The following CYP2B6 variants were observed in gnomAD, a reference collection of about 807,000 sequenced individuals.
CYP2B6 encodes the protein cytochrome P450 2B6.
Under a neutral mutation model 43.4 loss-of-function variants are expected in CYP2B6, and 35 were observed. That is an observed-to-expected ratio of 0.81 (90% confidence interval 0.62 to 1.07). CYP2B6 has a LOEUF of 1.07. CYP2B6 is among the 50% of genes least tolerant of loss of function. The pLI, the probability that CYP2B6 is intolerant of heterozygous loss-of-function variation, is 0.00. For synonymous variants in CYP2B6, 239 were observed against 239.2 expected (o/e 1.00, Z 0.01); for missense variants, 624 against 632.8 (o/e 0.99, Z 0.15).
At chr19:40,991,699 G>A (rs1968922606) in intron 1 of CYP2B6, among the ~76,000 whole-genome samples, 1 of 152,042 alleles carries the variant, frequency 6.6e-6, no homozygotes. Flanking sequence ...CTCATGAGTT[G>A]GACAGCTCCC....
At chr19:41,013,118 T>A (rs1969310330) in intron 8 of CYP2B6, 1 of 378,750 alleles carries the variant, frequency 2.6e-6, no homozygotes, top group Non-Finnish European at 4.9e-6. Context: ...CCCAGTGCTG[T>A]ACTGGGGGCT....
chr19:41,009,269 G>A lies in CYP2B6; in HGVS notation c.696G>A (p.Arg232=). 1 of 1,612,966 alleles carries A rather than the reference G, an allele frequency of 6.2e-7. No individual in the cohort carries two copies. Among genetic ancestry groups the A allele is most frequent in the East Asian group, 2.2e-5 (1 of 44,870 alleles). ...GFLKYFPGAH[R]QVYKNLQEIN... is the part of the protein sequence containing the mutation. ...TGAAATACTTTCCTGGGGCACACAG[G>A]CAAGTTTACAAAAACCTGCAGGAAA... Residue 232 remains arginine (R), a synonymous_variant, in exon 5 of 9, where the codon AGG becomes AGA. Coordinates refer to ENST00000324071, the MANE Select transcript of CYP2B6 (RefSeq NM_000767.5).
rs761375196 is a variant in CYP2B6, at chr19:41,004,288, G to A, written c.335-9G>A. 7.4e-6 allele frequency: 12 copies of A among 1,613,728 alleles called. No individual in the cohort carries two copies. The Admixed American group carries it at 2.0e-4, about 27-fold the overall frequency. On this transcript the variant is annotated splice_polypyrimidine_tract_variant and intron_variant, in intron 2 of 8. Coordinates refer to ENST00000324071, the MANE Select transcript of CYP2B6 (RefSeq NM_000767.5). ...TCTACAACCAACCCACACCTCCCCT[G>A]CACCCCAGGTGTGATCTTTGCCAAT... is the stretch of plus-strand genomic sequence containing the variant.
At chr19:41,013,066 C>G in intron 8 of CYP2B6, 1 of 510,690 alleles carries the variant, frequency 2.0e-6, no homozygotes, top group Non-Finnish European at 3.5e-6. Flanking sequence ...TCAGTGAGTT[C>G]ATTTTCTTAA....
chr19:40,994,853 A>G (rs1968978364), intron 1 of CYP2B6, among the ~76,000 whole-genome samples: 1 of 152,152 alleles, frequency 6.6e-6, no homozygotes, highest in Non-Finnish European at 1.5e-5. Context: ...ACTACTAAAT[A>G]TTTCCAGTGA....
chr19:40,997,521 G>T (rs913069944), intron 1 of CYP2B6, among the ~76,000 whole-genome samples: 36 of 151,938 alleles, frequency 2.4e-4, no homozygotes, highest in Non-Finnish European at 4.9e-4. Flanking sequence ...GAGTATATAT[G>T]CCAATACTAC....
rs1401973929 is a variant in CYP2B6 at position 41,010,236 on chromosome 19, T to C, written c.964+101T>C. 7.6e-6 allele frequency: 11 copies of C among 1,442,828 alleles called. No individual in the cohort carries two copies. In the East Asian group the frequency reaches 1.8e-4, roughly 24 times the overall value. The allele number at this position is 1,442,828 out of a possible 1,614,324, so 89.4% of individuals were successfully genotyped here. ...CTGGATGAGAGAGGGGATGCTGGCT[T>C]CCTATTCTGGGAGCACTGTAGGCTC... On this transcript the variant is annotated intron_variant, in intron 6 of 8. Transcript: ENST00000324071.
intron 1 of CYP2B6, among the ~76,000 whole-genome samples, chr19:41,001,744 T>G (rs1230028356): frequency 6.6e-6 from 1 of 152,148 alleles, no homozygotes; most frequent in Admixed American, 6.5e-5. Flanking sequence ...GTCTAGGAAT[T>G]GATGATGTGG....
chr19:41,007,372 G>A (rs1420904806), intron 4 of CYP2B6: 2 of 405,032 alleles, frequency 4.9e-6, no homozygotes, highest in East Asian at 4.9e-5. Flanking sequence ...GAGAGACAGA[G>A]TTGATGAGAA....
intron 4 of CYP2B6, among the ~76,000 whole-genome samples, chr19:41,008,101 C>A (rs1969223759): frequency 6.6e-6 from 1 of 151,690 alleles, no homozygotes; most frequent in Non-Finnish European, 1.5e-5. Context: ...GTCTTCTGCT[C>A]TTTTAAAACA....
intron 1 of CYP2B6, among the ~76,000 whole-genome samples, chr19:41,001,499 G>A (rs980431243): frequency 9.2e-5 from 14 of 152,070 alleles, no homozygotes; most frequent in African/African-American, 3.4e-4. Flanking sequence ...GAGGGATGTG[G>A]GCTCGTGTCT....
rs186436005 is a variant in CYP2B6, at chr19:41,017,059, T to C, written c.*232T>C. The C allele has an allele frequency of 3.9e-5, 14 of 360,900 alleles. No individual in the cohort carries two copies. The highest frequency in any genetic ancestry group is 1.6e-4 in the Admixed American group (4 of 24,410). 22.4% of individuals were successfully genotyped at this position (360,900 alleles called of 1,614,324 possible). A position where few individuals can be genotyped will look rare whatever the true frequency, so the allele number is the denominator to read the frequency against. ...ATATATATATATATGTTCTTGTTTT[T>C]TGAGACAGAGTCTCACACTGTTGCC... On this transcript the variant is annotated 3_prime_UTR_variant, in exon 9 of 9. Transcript: ENST00000324071.
chr19:41,012,946 A>T, intron 8 of CYP2B6, 131 bp downstream of exon 8: 2 of 1,075,054 alleles, frequency 1.9e-6, no homozygotes, highest in South Asian at 2.5e-5. Flanking sequence ...GCCTTATCCC[A>T]TTCCATCTTC....
At chr19:41,002,436 G>A (rs1055308064) in intron 1 of CYP2B6, among the ~76,000 whole-genome samples, 2 of 152,064 alleles carry the variant, frequency 1.3e-5, no homozygotes, top group African/African-American at 4.8e-5. Flanking sequence ...TTGACATGCA[G>A]GCCAAGTAGC....
At position 41,012,383 on chromosome 19, in the gene CYP2B6, G is replaced by T. The variant is rs377135658; in HGVS notation, c.1050G>T (p.Glu350Asp). The change falls in exon 7 of 9, where the codon GAG (glutamate) becomes GAT (aspartate). Residue 350 changes from glutamate (E) to aspartate (D), a missense_variant. Glu to Asp is a conservative substitution (Grantham distance 45). Coordinates refer to ENST00000324071, the MANE Select transcript of CYP2B6 (RefSeq NM_000767.5). ...LHDRAKMPYT[E>D]AVIYEIQRFS... ...ACCGAGCCAAAATGCCATACACAGA[G>T]GCAGTCATCTATGAGATTCAGAGAT... is the stretch of plus-strand genomic sequence containing the variant. The T allele has an allele frequency of 9.7e-5, 156 of 1,614,118 alleles. 1 individual carries two copies. In the South Asian group the frequency reaches 1.6e-3, roughly 17 times the overall value.
chr19:41,009,298 A>T lies in CYP2B6; in HGVS notation c.725A>T (p.Asn242Ile). The change falls in exon 5 of 9, where the codon AAT becomes ATT. Residue 242 changes from asparagine (N) to isoleucine (I), a missense_variant. Transcript: ENST00000324071. Reference protein sequence around the residue: ...RQVYKNLQEINAYIGHSVEKH... With the variant: ...RQVYKNLQEIIAYIGHSVEKH... ...GTTTACAAAAACCTGCAGGAAATCAATGCTTACATTGGCCACAGTGTGGAG... is the reference window on the plus strand; with the variant it reads ...GTTTACAAAAACCTGCAGGAAATCATTGCTTACATTGGCCACAGTGTGGAG... 2 of 1,613,080 alleles carry T rather than the reference A, an allele frequency of 1.2e-6. No individual in the cohort carries two copies. Among genetic ancestry groups the T allele is most frequent in the Non-Finnish European group, 1.7e-6 (2 of 1,179,452 alleles).
At chr19:41,000,142 T>A (rs1029339938) in intron 1 of CYP2B6, among the ~76,000 whole-genome samples, 3 of 152,152 alleles carry the variant, frequency 2.0e-5, no homozygotes, top group Non-Finnish European at 4.4e-5. Context: ...TCCTCATTAT[T>A]GGGGTTCCTT....
At chr19:40,991,521 C>G (rs1163531004) in intron 1 of CYP2B6, 45 bp downstream of exon 1, 1 of 1,604,244 alleles carries the variant, frequency 6.2e-7, no homozygotes, top group Admixed American at 1.7e-5. Flanking sequence ...TGCTTCTTGC[C>G]TTGGTACTTG....
At chr19:40,999,503 A>G (rs1371019507) in intron 1 of CYP2B6, among the ~76,000 whole-genome samples, 2 of 152,082 alleles carry the variant, frequency 1.3e-5, no homozygotes, top group Non-Finnish European at 2.9e-5. Context: ...GCCCATGCCT[A>G]TGTCCTGAAT....
Sources: gnomAD v4.1 joint callset for allele counts (sites outside exome capture counted in the v4.1 genomes callset) on GRCh38, gnomAD v4.1.1 for gene constraint, MANE v1.5 for transcripts, NCBI Gene and HGNC (gene_info 2026-07-23, HGNC 2026-07-21) for gene names.